Variants in KCNT1 observed in about 807,000 individuals in gnomAD.
KCNT1 encodes potassium channel subfamily T member 1.
Under a neutral mutation model 147.8 loss-of-function variants are expected in KCNT1, and 78 were observed. That is an observed-to-expected ratio of 0.53 (90% CI 0.44 to 0.64). KCNT1 has a LOEUF of 0.64. Ranked by LOEUF, KCNT1 falls within the 30% of genes least tolerant of loss-of-function variation. The pLI, the probability that KCNT1 is intolerant of heterozygous loss-of-function variation, is 0.00. For missense variants in KCNT1, 1,419 were observed against 1,750.3 expected (o/e 0.81, Z 3.38); for synonymous variants, 867 against 748.8 (o/e 1.16, Z -2.58).
rs1331212745 is a variant in KCNT1, at chr9:135,784,864, A to G, written c.3131A>G (p.Glu1044Gly). ...ATCCCCATTGGCATCTACCGGACAG[A>G]GAGCCACGTCTTCTCCACCTCGGAG... The part of the protein sequence containing the change: ...AEIPIGIYRT[E>G]SHVFSTSEPH... Residue 1044 changes from glutamate (E) to glycine (G), a missense_variant, in exon 27 of 31, where the codon GAG (glutamate) becomes GGG (glycine). Physicochemically the swap from Glu to Gly is moderately conservative, Grantham distance 98. Transcript: ENST00000371757. 2 of 1,612,692 alleles carry G rather than the reference A, an allele frequency of 1.2e-6. No individual in the cohort carries two copies. Among genetic ancestry groups the G allele is most frequent in the Non-Finnish European group, 8.5e-7 (1 of 1,179,980 alleles).
chr9:135,792,091 G>C lies in KCNT1; in HGVS notation c.3638G>C (p.Ser1213Thr). 6.2e-7 allele frequency: 1 copy of C among 1,604,276 alleles called. No individual in the cohort carries two copies. Among genetic ancestry groups the C allele is most frequent in the Non-Finnish European group, 8.5e-7 (1 of 1,179,508 alleles). ...GCTCACGTGGCCAGCAGCTCCCAGA[G>C]CCGGAAGAGCAGCTGCAGCCACAAG... ...PLAHVASSSQ[S>T]RKSSCSHKLS... The change falls in exon 31 of 31, where the codon AGC (serine) becomes ACC (threonine). Residue 1213 changes from serine to threonine, a missense_variant. Ser to Thr is a moderately conservative substitution (Grantham distance 58, BLOSUM62 1). Around this residue, in one of 5 missense-constraint regions of KCNT1, gnomAD observed 306 missense variants for 294.2 expected, o/e 1.04. Coordinates refer to ENST00000371757, the MANE Select transcript of KCNT1 (RefSeq NM_020822.3).
chr9:135,716,140 T>A (rs1835711662), intron 2 of KCNT1, among the ~76,000 whole-genome samples: 1 of 152,174 alleles, frequency 6.6e-6, no homozygotes. Context: ...TCAACATCTT[T>A]CTAAGCCAGC....
chr9:135,709,270 C>T (rs781656940), intron 1 of KCNT1, among the ~76,000 whole-genome samples: 2 of 152,222 alleles, frequency 1.3e-5, no homozygotes, highest in Non-Finnish European at 2.9e-5. Flanking sequence ...TCCACACGGG[C>T]TCACGCAGGC....
intron 17 of KCNT1, 128 bp downstream of exon 17, chr9:135,770,575 A>G (rs890082735): frequency 4.1e-5 from 50 of 1,230,924 alleles, no homozygotes; most frequent in Non-Finnish European, 5.4e-5. Context: ...GGAGGGCATC[A>G]GGTCATCCTG....
intron 11 of KCNT1, 103 bp from the exon 12 acceptor site, chr9:135,764,928 C>T: frequency 2.2e-6 from 3 of 1,345,538 alleles, no homozygotes; most frequent in South Asian, 1.4e-5. Flanking sequence ...CGGCCCTGCC[C>T]CAGGCCCCTA....
chr9:135,752,287 C>T lies in KCNT1; in HGVS notation c.434+1246C>T. 2.2e-6 allele frequency: 1 copy of T among 448,812 alleles called. No individual in the cohort carries two copies. Among genetic ancestry groups the T allele is most frequent in the East Asian group, 7.0e-5 (1 of 14,340 alleles). The allele number at this position is 448,812 out of a possible 1,614,324, so 27.8% of individuals were successfully genotyped here. ...CCATGTAAACTTTTGCTCAATCCCC[C>T]TTTTCACCTGTTACCCCGTCACAAG... On this transcript the variant is annotated intron_variant, in intron 4 of 30. Coordinates refer to ENST00000371757, the MANE Select transcript of KCNT1 (RefSeq NM_020822.3). The surrounding 1 kb of genome is among the most constrained non-coding windows in gnomAD (Gnocchi z 5.1).
chr9:135,774,210 GT>G (rs1832958841), intron 19 of KCNT1, among the ~76,000 whole-genome samples: 1 of 150,452 alleles, frequency 6.6e-6, no homozygotes, highest in Admixed American at 6.6e-5. Flanking sequence ...ATTGTGTGTG[GT>G]ATGTGGTGTC....
chr9:135,774,650 G>C (rs761690865), intron 19 of KCNT1, among the ~76,000 whole-genome samples: 29 of 152,130 alleles, frequency 1.9e-4, no homozygotes, highest in Non-Finnish European at 3.4e-4. Context: ...GTGTCTGGGT[G>C]TGTGGTGTGT....
intron 1 of KCNT1, among the ~76,000 whole-genome samples, chr9:135,707,648 G>C (rs1401774439): frequency 6.6e-6 from 1 of 152,166 alleles, no homozygotes; most frequent in Admixed American, 6.5e-5. Flanking sequence ...GCTGCAGGGG[G>C]TGGGGACAGC....
chr9:135,703,961 G>A (rs990394889), intron 1 of KCNT1, among the ~76,000 whole-genome samples: 6 of 152,248 alleles, frequency 3.9e-5, no homozygotes, highest in Non-Finnish European at 5.9e-5. Context: ...AGCAGCCGCC[G>A]GCAGTGGAGG....
At chr9:135,735,596 T>C (rs558292981) in intron 2 of KCNT1, among the ~76,000 whole-genome samples, 2 of 152,020 alleles carry the variant, frequency 1.3e-5, no homozygotes, top group African/African-American at 4.8e-5. Context: ...GGTGTGAGTT[T>C]GGGGCGGGCC....
Position 135,756,947 on chromosome 9 carries a change from G to A in KCNT1, c.600+15G>A, listed in dbSNP as rs753154228. On this transcript the variant is annotated intron_variant, in intron 7 of 30. Transcript: ENST00000371757. The stretch of plus-strand genomic sequence containing the variant: ...TCAGCTACAAAGTGAGTGCCTGCCC[G>A]GGATGGCACCTCACAGGGGGTCCCC... The A allele has an allele frequency of 1.7e-5, 28 of 1,610,670 alleles. No individual in the cohort carries two copies. The Middle Eastern group carries it at 6.6e-4, about 38-fold the overall frequency.
At position 135,781,047 on chromosome 9, in the gene KCNT1, C is replaced by T. The variant is rs573554010; in HGVS notation, c.2841+1577C>T. On this transcript the variant is annotated intron_variant, in intron 24 of 30. Coordinates refer to ENST00000371757, the MANE Select transcript of KCNT1 (RefSeq NM_020822.3). ...CCAGGCAGCCATCGCCAATCACCCA[C>T]GCTCCGCCCCGCCGTGGGGCCCATC... Among the ~76,000 whole-genome samples, 432 of 152,370 alleles carry T rather than the reference C, an allele frequency of 2.8e-3. 2 individuals are homozygous for T. Among genetic ancestry groups the T allele is most frequent in the African/African-American group, 0.01 (419 of 41,596 alleles).
intron 11 of KCNT1, among the ~76,000 whole-genome samples, chr9:135,760,982 C>T (rs1209718403): frequency 6.6e-6 from 1 of 152,132 alleles, no homozygotes; most frequent in African/African-American, 2.4e-5. Flanking sequence ...CTGTGACCGC[C>T]CCTCTCACTT....
intron 21 of KCNT1, 120 bp from the exon 22 acceptor site, chr9:135,778,304 T>G (rs1833327631): frequency 2.4e-6 from 2 of 820,714 alleles, no homozygotes; most frequent in Non-Finnish European, 3.9e-6. Flanking sequence ...TCCCATACGC[T>G]GCGGTTCTGG....
At chr9:135,722,371 A>G (rs1020549766) in intron 2 of KCNT1, among the ~76,000 whole-genome samples, 1 of 152,204 alleles carries the variant, frequency 6.6e-6, no homozygotes, top group Non-Finnish European at 1.5e-5. Flanking sequence ...ACACAAAATG[A>G]AATTCCTCCC....
At chr9:135,769,056 A>G in intron 15 of KCNT1, 119 bp downstream of exon 15, 1 of 756,590 alleles carries the variant, frequency 1.3e-6, no homozygotes, top group Non-Finnish European at 2.1e-6. Context: ...CGTCTGGGGC[A>G]GGACGCGTGT....
intron 2 of KCNT1, among the ~76,000 whole-genome samples, chr9:135,733,132 A>G (rs1588280969): frequency 6.6e-6 from 1 of 151,722 alleles, no homozygotes; most frequent in South Asian, 2.1e-4. Flanking sequence ...ATTCATCTCC[A>G]GTTCTTACTA....
In KCNT1 at chr9:135,771,210, G is replaced by A. The variant is rs7870035; in HGVS notation, c.2008+115G>A. On this transcript the variant is annotated intron_variant, in intron 18 of 30. Coordinates refer to ENST00000371757, the MANE Select transcript of KCNT1 (RefSeq NM_020822.3). ...GAGACCAGGCAGGACAGGGGGAGGT[G>A]ACCAGGTGGGACAGGAGACCAGGCA... 422,304 of 934,204 alleles carry A rather than the reference G, an allele frequency of 0.45. 97,759 individuals are homozygous for A. The highest frequency in any genetic ancestry group is 0.65 in the African/African-American group (39,606 of 61,010). 57.9% of individuals were successfully genotyped at this position (934,204 alleles called of 1,614,324 possible). A position where few individuals can be genotyped will look rare whatever the true frequency, so the allele number is the denominator to read the frequency against.
Sources: allele counts gnomAD v4.1 joint callset (sites outside exome capture counted in the v4.1 genomes callset), GRCh38; gene constraint gnomAD v4.1.1; regional missense constraint gnomAD v4.1.1; non-coding constraint Gnocchi (gnomAD v3.1); transcripts MANE v1.5; gene names NCBI Gene and HGNC (gene_info 2026-07-23, HGNC 2026-07-21).